GALNT17: variants seen among roughly 807,000 people sequenced by gnomAD.
GALNT17 encodes the protein UDP-GalNAc:polypeptide N-acetylgalactosaminyltransferase-like 3.
Under a neutral mutation model 63.7 loss-of-function variants are expected in GALNT17, and 29 were observed. The observed-to-expected ratio is 0.46, with a 90% CI of 0.34 to 0.62. The LOEUF is 0.62. Ranked by LOEUF, GALNT17 falls within the 20% of genes least tolerant of loss-of-function variation. The pLI is 0.01. For missense variants in GALNT17, 603 were observed against 799.6 expected, an observed-to-expected ratio of 0.75 and a Z score of 2.97; for synonymous variants, 305 against 318.3, an observed-to-expected ratio of 0.96 and a Z score of 0.45.
At chr7:71,676,789 G>C (rs112021197) in intron 8 of GALNT17, among the ~76,000 whole-genome samples, 3,730 of 152,264 alleles carry the variant, frequency 0.024, 70 homozygotes, top group Non-Finnish European at 0.039. Flanking sequence ...CCACTTACAA[G>C]CCTAACCATC....
intron 8 of GALNT17, among the ~76,000 whole-genome samples, chr7:71,670,783 C>G (rs1791056644): frequency 6.6e-6 from 1 of 151,816 alleles, no homozygotes; most frequent in South Asian, 2.1e-4. Flanking sequence ...TCTAACTTAC[C>G]TAAGGTCACA....
At chr7:71,682,320 TGG>T (rs1791279822) in intron 9 of GALNT17, among the ~76,000 whole-genome samples, 1 of 151,466 alleles carries the variant, frequency 6.6e-6, no homozygotes, top group Non-Finnish European at 1.5e-5. Flanking sequence ...TGTGGCCCTG[TGG>T]CCCCCCACCC....
chr7:71,590,498 T>C (rs961075285), intron 6 of GALNT17, among the ~76,000 whole-genome samples: 2 of 152,176 alleles, frequency 1.3e-5, no homozygotes, highest in Non-Finnish European at 2.9e-5. Context: ...TGAACCTGAA[T>C]TTACACCATC....
At chr7:71,619,221 A>AGT (rs1244850277) in intron 6 of GALNT17, among the ~76,000 whole-genome samples, 1 of 152,218 alleles carries the variant, frequency 6.6e-6, no homozygotes, top group African/African-American at 2.4e-5. Flanking sequence ...GAAGTCCAGT[A>AGT]GTGTGATACC....
At chr7:71,438,318 G>T (rs1198866090) in intron 5 of GALNT17, among the ~76,000 whole-genome samples, 1 of 152,170 alleles carries the variant, frequency 6.6e-6, no homozygotes, top group Admixed American at 6.5e-5. Flanking sequence ...GATGCAGTCT[G>T]GGAGGCTAAG....
intron 1 of GALNT17, among the ~76,000 whole-genome samples, chr7:71,189,688 G>C (rs1307365387): frequency 1.3e-5 from 2 of 152,152 alleles, no homozygotes; most frequent in Admixed American, 6.5e-5. Flanking sequence ...TTTGGGAGAA[G>C]AGTTGGCCTG....
chr7:71,199,522 T>TCATCCATCCATCCATCCATC (rs34691979), intron 1 of GALNT17, among the ~76,000 whole-genome samples: 1 of 142,680 alleles, frequency 7.0e-6, no homozygotes, highest in Non-Finnish European at 1.5e-5. Flanking sequence ...CCCCATCCAT[T>TCATCCATCCATCCATCCATC]CATCCATCCA....
At chr7:71,571,522 C>A in intron 6 of GALNT17, 120 bp downstream of exon 6, 1 of 810,346 alleles carries the variant, frequency 1.2e-6, no homozygotes, top group Non-Finnish European at 2.1e-6. Flanking sequence ...TCATTTACTC[C>A]ACCTTGTTCC....
intron 1 of GALNT17, among the ~76,000 whole-genome samples, chr7:71,240,865 C>T (rs1035363804): frequency 2.0e-5 from 3 of 151,950 alleles, no homozygotes; most frequent in Non-Finnish European, 4.4e-5. Flanking sequence ...GGAGTTTCAC[C>T]GTGTTAGCCA....
At chr7:71,482,851 C>A (rs1265037719) in intron 5 of GALNT17, among the ~76,000 whole-genome samples, 1 of 152,066 alleles carries the variant, frequency 6.6e-6, no homozygotes, top group African/African-American at 2.4e-5. Flanking sequence ...TCAGAAGGAG[C>A]ATGCACCCTA....
rs1217875878 is a variant in GALNT17, at chr7:71,680,787, CCCTT to C, written c.1500+3498_1500+3501del. 3.8e-3 allele frequency among the ~76,000 whole-genome samples: 540 copies of C among 142,898 alleles called. 4 individuals are homozygous for C. Among genetic ancestry groups the C allele is most frequent in the African/African-American group, 0.011 (422 of 37,786 alleles). The allele number at this position is 142,898 out of a possible 152,430, so 93.7% of individuals were successfully genotyped here. On this transcript the variant is annotated intron_variant, in intron 9 of 10. Coordinates refer to ENST00000333538, the MANE Select transcript of GALNT17 (RefSeq NM_022479.3). ...TCCTTTCCCTTCCTTTCTTTCTTTT[CCCTT>C]CCTTCCTTCCTTCCTTTCTTCCTTC...
chr7:71,158,519 C>T (rs7810194), intron 1 of GALNT17, among the ~76,000 whole-genome samples: 69,696 of 150,954 alleles, frequency 0.46, 17,706 homozygotes, highest in African/African-American at 0.64. Flanking sequence ...CTCAGCTTCC[C>T]GAGTAGCTGG....
chr7:71,324,385 T>C (rs1791668220), intron 1 of GALNT17, among the ~76,000 whole-genome samples: 1 of 152,152 alleles, frequency 6.6e-6, no homozygotes, highest in Non-Finnish European at 1.5e-5. Flanking sequence ...GCACAGTGGC[T>C]CACACCTGTA....
intron 1 of GALNT17, among the ~76,000 whole-genome samples, chr7:71,210,701 T>G (rs1157054734): frequency 6.6e-6 from 1 of 152,180 alleles, no homozygotes; most frequent in Non-Finnish European, 1.5e-5. Flanking sequence ...TGAATCTCAC[T>G]CCACCCCATG....
At chr7:71,588,548 T>C (rs1283858828) in intron 6 of GALNT17, among the ~76,000 whole-genome samples, 1 of 152,226 alleles carries the variant, frequency 6.6e-6, no homozygotes, top group African/African-American at 2.4e-5. Flanking sequence ...AGGCTACAAG[T>C]CAGTTAACTA....
chr7:71,553,154 C>A (rs10224027), intron 5 of GALNT17, among the ~76,000 whole-genome samples: 47,454 of 151,540 alleles, frequency 0.31, 7,588 homozygotes, highest in Admixed American at 0.34. Flanking sequence ...GCAAGACTTT[C>A]TCTCTTAAAA....
chr7:71,629,916 C>G (rs1790430851), intron 6 of GALNT17, among the ~76,000 whole-genome samples: 1 of 151,468 alleles, frequency 6.6e-6, no homozygotes, highest in Non-Finnish European at 1.5e-5. Context: ...GCCACTATAC[C>G]AGGCCAAAGT....
intron 1 of GALNT17, among the ~76,000 whole-genome samples, chr7:71,205,728 A>C (rs1252572915): frequency 6.6e-6 from 1 of 152,134 alleles, no homozygotes; most frequent in African/African-American, 2.4e-5. Context: ...AGAAATGCTG[A>C]ATTCAGTAGA....
chr7:71,712,577 ATGTCC>A lies in GALNT17; in HGVS notation c.*433_*437del, dbSNP rs550791539. On this transcript the variant is annotated 3_prime_UTR_variant, in exon 11 of 11. Coordinates refer to ENST00000333538, the MANE Select transcript of GALNT17 (RefSeq NM_022479.3). Reference sequence around the variant, plus strand: ...GTGGGAGGCAGCGGGGGCTTCAGCCATGTCCTAGCTCCCCGCCCTAAAAGGAGGCA... The same window carrying A: ...GTGGGAGGCAGCGGGGGCTTCAGCCATAGCTCCCCGCCCTAAAAGGAGGCA... 374 of 162,918 alleles carry A rather than the reference ATGTCC, an allele frequency of 2.3e-3. 3 individuals are homozygous for A. The highest frequency in any genetic ancestry group is 8.2e-3 in the African/African-American group (341 of 41,698). 10.1% of individuals were successfully genotyped at this position (162,918 alleles called of 1,614,324 possible).
Sources: gnomAD v4.1 joint callset for allele counts (sites outside exome capture counted in the v4.1 genomes callset) on GRCh38, gnomAD v4.1.1 for gene constraint, MANE v1.5 for transcripts, NCBI Gene and HGNC (gene_info 2026-07-23, HGNC 2026-07-21) for gene names.